The following MUSK variants were observed in gnomAD, a reference collection of about 807,000 sequenced individuals.
The protein encoded by MUSK is muscle associated receptor tyrosine kinase.
MUSK carries 55 observed loss-of-function variants against 88.7 expected under a neutral mutation model. The observed-to-expected ratio is 0.62, with a 90% CI of 0.50 to 0.78. MUSK has a LOEUF of 0.78. MUSK is among the 30% of genes least tolerant of loss of function. The pLI is 0.00. For synonymous variants in MUSK, 387 were observed against 391.9 expected (o/e 0.99, Z 0.15); for missense variants, 1,015 against 1,074.3 (o/e 0.94, Z 0.77).
At position 110,802,760 on chromosome 9, in the gene MUSK, T is replaced by G. The variant is rs2078112899; in HGVS notation, c.*1772T>G. Among the ~76,000 whole-genome samples, 1 of 152,158 alleles carries G rather than the reference T, an allele frequency of 6.6e-6. No homozygotes were observed. Among genetic ancestry groups the G allele is most frequent in the African/African-American group, 2.4e-5 (1 of 41,420 alleles). Reference sequence around the variant, plus strand: ...CCCTGTCTATTAGCTGGCCTTCCTCTCATTTCAGACCTGAACAGATTCTGT... The same window carrying G: ...CCCTGTCTATTAGCTGGCCTTCCTCGCATTTCAGACCTGAACAGATTCTGT... On this transcript the variant is annotated 3_prime_UTR_variant, in exon 15 of 15. Transcript: ENST00000374448.
intron 5 of MUSK, among the ~76,000 whole-genome samples, chr9:110,698,016 C>G (rs1445344185): frequency 6.6e-6 from 1 of 151,998 alleles, no homozygotes; most frequent in Non-Finnish European, 1.5e-5. Flanking sequence ...TTTTAATCAG[C>G]TAATTCAATA....
intron 6 of MUSK, among the ~76,000 whole-genome samples, chr9:110,735,557 T>C (rs190208112): frequency 2.6e-5 from 4 of 151,808 alleles, no homozygotes; most frequent in Admixed American, 2.6e-4. Context: ...CTGGGAAAGG[T>C]AGTGGGGAAG....
rs149834660 is a variant in MUSK, at chr9:110,732,187, A to G, written c.629-2064A>G. Among the ~76,000 whole-genome samples, 7 of 152,100 alleles carry G rather than the reference A, an allele frequency of 4.6e-5. No individual in the cohort carries two copies. The East Asian group carries it at 1.4e-3, about 30-fold the overall frequency. On this transcript the variant is annotated intron_variant, in intron 5 of 14. Coordinates refer to ENST00000374448, the MANE Select transcript of MUSK (RefSeq NM_005592.4). ...GCTAGATTTTCCAAATCTCTCAAAG[A>G]TCCTGCTTGTTTCAGATTCTCGGGC...
intron 5 of MUSK, among the ~76,000 whole-genome samples, chr9:110,698,911 G>A (rs2076467199): frequency 1.3e-5 from 2 of 151,846 alleles, no homozygotes; most frequent in African/African-American, 4.8e-5. Context: ...TAGATCCAGT[G>A]TTTTCTTGTT....
At chr9:110,741,209 T>C (rs1372022778) in intron 6 of MUSK, among the ~76,000 whole-genome samples, 2 of 152,200 alleles carry the variant, frequency 1.3e-5, no homozygotes, top group African/African-American at 4.8e-5. Flanking sequence ...CATTTCATAA[T>C]ATACATATAT....
At chr9:110,681,708 G>C (rs1282120927) in intron 1 of MUSK, among the ~76,000 whole-genome samples, 1 of 151,886 alleles carries the variant, frequency 6.6e-6, no homozygotes, top group African/African-American at 2.4e-5. Flanking sequence ...CAGCAGATGA[G>C]CTTGCCTTTG....
At chr9:110,728,175 G>A (rs1425679740) in intron 5 of MUSK, 1 of 152,802 alleles carries the variant, frequency 6.5e-6, no homozygotes, top group African/African-American at 2.4e-5. Flanking sequence ...ATCTCTGTTG[G>A]TGGTAGGTTC....
chr9:110,784,310 G>A (rs1290743950), intron 11 of MUSK, among the ~76,000 whole-genome samples: 2 of 151,842 alleles, frequency 1.3e-5, no homozygotes, highest in African/African-American at 2.4e-5. Context: ...ATATCACATC[G>A]GCCTTTTAAA....
At chr9:110,712,961 G>C (rs940218582) in intron 5 of MUSK, among the ~76,000 whole-genome samples, 5 of 152,170 alleles carry the variant, frequency 3.3e-5, no homozygotes, top group African/African-American at 1.2e-4. Context: ...AGAGGAGATA[G>C]GGAAAGGTCA....
intron 1 of MUSK, among the ~76,000 whole-genome samples, chr9:110,675,610 C>T (rs1422982144): frequency 8.0e-6 from 1 of 124,932 alleles, no homozygotes; most frequent in Admixed American, 9.7e-5. Context: ...CACTCTGTTG[C>T]CCAGGCTGGA....
intron 6 of MUSK, among the ~76,000 whole-genome samples, chr9:110,739,963 T>G (rs2077076154): frequency 6.6e-6 from 1 of 152,152 alleles, no homozygotes; most frequent in Non-Finnish European, 1.5e-5. Flanking sequence ...TACAATATAT[T>G]AATGGTACCA....
At chr9:110,670,901 T>TA (rs1424957130) in intron 1 of MUSK, among the ~76,000 whole-genome samples, 1 of 152,130 alleles carries the variant, frequency 6.6e-6, no homozygotes, top group African/African-American at 2.4e-5. Flanking sequence ...GCATAATCCT[T>TA]AAAATTTTAA....
chr9:110,688,839 C>T, intron 3 of MUSK, among the ~76,000 whole-genome samples: 1 of 150,968 alleles, frequency 6.6e-6, no homozygotes, highest in Non-Finnish European at 1.5e-5. Flanking sequence ...GTTTAGGTAC[C>T]ACATTTTCTT....
At position 110,689,529 on chromosome 9, in the gene MUSK, A is replaced by G. The variant is rs868647479; in HGVS notation, c.358+2261A>G. Among the ~76,000 whole-genome samples the G allele has an allele frequency of 1.6e-3, 131 of 80,654 alleles. 7 individuals are homozygous for G. The highest frequency in any genetic ancestry group is 9.0e-3 in the African/African-American group (128 of 14,228). 52.9% of individuals were successfully genotyped at this position (80,654 alleles called of 152,430 possible). On this transcript the variant is annotated intron_variant, in intron 3 of 14. Coordinates refer to ENST00000374448, the MANE Select transcript of MUSK (RefSeq NM_005592.4). ...TTTATATATAAATATATACAACTAT[A>G]TATAAATATATAGTTATATATATTT... is the stretch of plus-strand genomic sequence containing the variant.
At chr9:110,797,487 G>A (rs147213160) in intron 14 of MUSK, among the ~76,000 whole-genome samples, 4 of 152,012 alleles carry the variant, frequency 2.6e-5, no homozygotes, top group South Asian at 2.1e-4. Flanking sequence ...GTTGGGCAGA[G>A]GTCTAAGGAA....
intron 5 of MUSK, among the ~76,000 whole-genome samples, chr9:110,697,954 G>C (rs904533358): frequency 2.0e-5 from 3 of 150,714 alleles, no homozygotes; most frequent in Non-Finnish European, 4.4e-5. Flanking sequence ...AATAATCCCA[G>C]TTCTGTGAGT....
intron 1 of MUSK, among the ~76,000 whole-genome samples, chr9:110,678,046 A>ACATTAG (rs1285553961): frequency 2.0e-5 from 3 of 152,140 alleles, no homozygotes; most frequent in Non-Finnish European, 4.4e-5. Flanking sequence ...TGCTTGACTT[A>ACATTAG]CATTAGCATT....
intron 5 of MUSK, among the ~76,000 whole-genome samples, chr9:110,718,303 C>T (rs2076770189): frequency 6.6e-6 from 1 of 152,042 alleles, no homozygotes; most frequent in Admixed American, 6.6e-5. Context: ...ACAGTCACTT[C>T]TGCCACATCC....
chr9:110,755,951 CACAT>C (rs1460934414), intron 7 of MUSK, among the ~76,000 whole-genome samples: 19 of 101,738 alleles, frequency 1.9e-4, no homozygotes, highest in African/African-American at 6.4e-4. Flanking sequence ...TATATATATA[CACAT>C]ATATATATAC....
Sources: gnomAD v4.1 joint callset for allele counts (sites outside exome capture counted in the v4.1 genomes callset) on GRCh38, gnomAD v4.1.1 for gene constraint, MANE v1.5 for transcripts, NCBI Gene and HGNC (gene_info 2026-07-23, HGNC 2026-07-21) for gene names.